CENPW: variants seen among roughly 807,000 people sequenced by gnomAD.
CENPW encodes the protein centromere protein W.
In CENPW, 3 loss-of-function variants were observed where a neutral mutation model predicts 11.1. The ratio of observed to expected loss-of-function variants is 0.27; its 90% CI spans 0.12 to 0.70. CENPW has a LOEUF of 0.70. CENPW is among the 30% of genes least tolerant of loss of function. The pLI is 0.77. For missense variants in CENPW, 100 were observed against 105.6 expected (o/e 0.95, Z 0.23); for synonymous variants, 38 against 42.0 (o/e 0.91, Z 0.37).
the CENPW span, among the ~76,000 whole-genome samples, chr6:126,396,630 C>G: frequency 6.6e-6 from 1 of 152,034 alleles, no homozygotes; most frequent in Admixed American, 6.6e-5. Context: ...GAGTCTCTCA[C>G]CATATCCAGC....
the CENPW span, among the ~76,000 whole-genome samples, chr6:126,358,934 AT>A: frequency 6.6e-6 from 1 of 151,296 alleles, no homozygotes; most frequent in African/African-American, 2.4e-5. Flanking sequence ...TTCTTCTCTT[AT>A]TTTAGTTATT....
the CENPW span, among the ~76,000 whole-genome samples, chr6:126,426,324 A>G: frequency 5.9e-5 from 9 of 152,088 alleles, no homozygotes; most frequent in African/African-American, 1.9e-4. Context: ...CTTGAGTGAA[A>G]GCTCTTTTTT....
At chr6:126,468,582 T>C in the CENPW span, among the ~76,000 whole-genome samples, 5 of 150,280 alleles carry the variant, frequency 3.3e-5, no homozygotes, top group Admixed American at 3.3e-4. Context: ...TGTTAGTTTA[T>C]ATAATATAAT....
chr6:126,414,450 G>A, the CENPW span, among the ~76,000 whole-genome samples: 2 of 152,102 alleles, frequency 1.3e-5, no homozygotes, highest in Non-Finnish European at 2.9e-5. Flanking sequence ...AAATTATCAA[G>A]TATCTTTTCT....
At chr6:126,352,297 A>G (rs1346559549), downstream of CENPW, among the ~76,000 whole-genome samples, 1 of 152,010 alleles carries the variant, frequency 6.6e-6, no homozygotes, top group Non-Finnish European at 1.5e-5. Context: ...AAGTTTGCTG[A>G]CCCCTGTGTT....
At chr6:126,355,011 AT>A in the CENPW span, among the ~76,000 whole-genome samples, 4 of 152,164 alleles carry the variant, frequency 2.6e-5, no homozygotes, top group Admixed American at 2.0e-4. Flanking sequence ...TGAAACTAAT[AT>A]TCAGAAAGGT....
the CENPW span, among the ~76,000 whole-genome samples, chr6:126,403,431 G>C: frequency 1.3e-5 from 2 of 152,040 alleles, no homozygotes; most frequent in African/African-American, 4.8e-5. Context: ...GTGCAAGGAA[G>C]CAAAACAGCC....
the CENPW span, among the ~76,000 whole-genome samples, chr6:126,369,907 G>C: frequency 6.6e-6 from 1 of 152,114 alleles, no homozygotes; most frequent in South Asian, 2.1e-4. Context: ...TATGGTTTCT[G>C]GTCTTTGATT....
At chr6:126,402,369 C>T in the CENPW span, among the ~76,000 whole-genome samples, 1 of 151,614 alleles carries the variant, frequency 6.6e-6, no homozygotes, top group Non-Finnish European at 1.5e-5. Flanking sequence ...TTCTTCCTTC[C>T]ATCACAGATT....
At chr6:126,433,161 A>G in the CENPW span, among the ~76,000 whole-genome samples, 2 of 152,292 alleles carry the variant, frequency 1.3e-5, no homozygotes, top group Non-Finnish European at 2.9e-5. Context: ...GACACATTTC[A>G]TTTAGAAACA....
the CENPW span, among the ~76,000 whole-genome samples, chr6:126,378,463 G>A: frequency 1.7e-5 from 2 of 117,642 alleles, no homozygotes; most frequent in African/African-American, 5.3e-5. Flanking sequence ...AATGTCCCTT[G>A]AGTTTTTTTT....
At chr6:126,405,975 G>A in the CENPW span, among the ~76,000 whole-genome samples, 2 of 151,958 alleles carry the variant, frequency 1.3e-5, no homozygotes, top group South Asian at 2.1e-4. Flanking sequence ...CTCTGGTTAG[G>A]ACTTTCAGTA....
chr6:126,403,080 C>T, the CENPW span, among the ~76,000 whole-genome samples: 1 of 152,002 alleles, frequency 6.6e-6, no homozygotes, highest in Non-Finnish European at 1.5e-5. Context: ...TTTTGGGACA[C>T]CACAAATTAT....
At chr6:126,369,122 T>TA in the CENPW span, among the ~76,000 whole-genome samples, 1 of 150,036 alleles carries the variant, frequency 6.7e-6, no homozygotes, top group Non-Finnish European at 1.5e-5. Flanking sequence ...TTTTTTTTTT[T>TA]ATGGCTGAGT....
chr6:126,483,075 G>A, the CENPW span, among the ~76,000 whole-genome samples: 1 of 151,732 alleles, frequency 6.6e-6, no homozygotes, highest in Non-Finnish European at 1.5e-5. Flanking sequence ...CTAGGTAGTG[G>A]ACCCTTTTAG....
chr6:126,343,427 T>G (rs1476623741), intron 1 of CENPW, among the ~76,000 whole-genome samples: 2 of 152,140 alleles, frequency 1.3e-5, no homozygotes, highest in Admixed American at 6.5e-5. Flanking sequence ...ACTAATAGGA[T>G]AGATGTATAT....
the CENPW span, among the ~76,000 whole-genome samples, chr6:126,376,853 TGA>T: frequency 1.3e-5 from 2 of 152,174 alleles, no homozygotes; most frequent in Non-Finnish European, 2.9e-5. Flanking sequence ...TGTCTTGTGC[TGA>T]TGGGGGCACC....
chr6:126,399,919 T>G, the CENPW span, among the ~76,000 whole-genome samples: 2 of 152,066 alleles, frequency 1.3e-5, no homozygotes, highest in Admixed American at 6.6e-5. Context: ...TCCTAAAGTA[T>G]TACTATTTTA....
chr6:126,399,100 A>G, the CENPW span, among the ~76,000 whole-genome samples: 1 of 152,022 alleles, frequency 6.6e-6, no homozygotes, highest in African/African-American at 2.4e-5. Context: ...GCTATTGTAA[A>G]TAATGCTGTG....
Sources: allele counts gnomAD v4.1 joint callset (sites outside exome capture counted in the v4.1 genomes callset), GRCh38; gene constraint gnomAD v4.1.1; transcripts MANE v1.5; gene names NCBI Gene and HGNC (gene_info 2026-07-23, HGNC 2026-07-21).